The following FCN2 variants were observed in gnomAD, a reference collection of about 807,000 sequenced individuals.
The protein encoded by FCN2 is ficolin-2.
FCN2 carries 31 observed loss-of-function variants against 32.5 expected under a neutral mutation model. That is an observed-to-expected ratio of 0.96 (90% CI 0.72 to 1.29). The LOEUF is 1.29. FCN2 is among the 50% of genes most tolerant of loss of function. The pLI is 0.00. For synonymous variants in FCN2, 181 were observed against 164.5 expected, an observed-to-expected ratio of 1.10 and a Z score of -0.77; for missense variants, 412 against 406.5, an observed-to-expected ratio of 1.01 and a Z score of -0.12.
At chr9:134,876,604 G>T (rs970152214), upstream of FCN2, among the ~76,000 whole-genome samples, 2 of 152,162 alleles carry the variant, frequency 1.3e-5, no homozygotes, top group South Asian at 2.1e-4. Context: ...TTGAGGTGGA[G>T]TTTCCCTCTT....
chr9:134,885,401 G>C (rs1411104704), intron 5 of FCN2, 35 bp downstream of exon 5: 2 of 1,606,188 alleles, frequency 1.2e-6, no homozygotes, highest in East Asian at 4.5e-5. Context: ...GGTCAGCCTG[G>C]GAGTCCCGGA....
At chr9:134,886,112 G>A (rs1330996231) in intron 6 of FCN2, among the ~76,000 whole-genome samples, 1 of 152,178 alleles carries the variant, frequency 6.6e-6, no homozygotes, top group African/African-American at 2.4e-5. Flanking sequence ...TGGGATGAAG[G>A]CCTCTTCAGG....
the FCN2 span, among the ~76,000 whole-genome samples, chr9:134,874,057 G>T: frequency 6.6e-6 from 1 of 151,860 alleles, no homozygotes; most frequent in African/African-American, 2.4e-5. Context: ...AGTAGTTACA[G>T]GTGTGTGCCA....
intron 5 of FCN2, 55 bp downstream of exon 5, chr9:134,885,421 G>A: frequency 6.3e-7 from 1 of 1,598,666 alleles, no homozygotes; most frequent in African/African-American, 1.3e-5. Flanking sequence ...AGGCCAGGCT[G>A]CACACCTGGT....
At chr9:134,865,449 G>A in the FCN2 span, among the ~76,000 whole-genome samples, 1 of 152,230 alleles carries the variant, frequency 6.6e-6, no homozygotes, top group Admixed American at 6.5e-5. Flanking sequence ...GTGGGGCTAG[G>A]AAGAAAACAC....
At chr9:134,866,967 A>G in the FCN2 span, among the ~76,000 whole-genome samples, 3 of 112,654 alleles carry the variant, frequency 2.7e-5, no homozygotes, top group Middle Eastern at 3.9e-3. Flanking sequence ...TTAGAATGGC[A>G]ATCATTAAAA....
rs372859655 is a variant in FCN2, at chr9:134,883,353, A to G, written c.266A>G (p.Asn89Ser). 30 of 1,613,358 alleles carry G rather than the reference A, an allele frequency of 1.9e-5. No individual in the cohort carries two copies. The African/African-American group carries it at 3.5e-4, about 19-fold the overall frequency. Residue 89 changes from asparagine (N) to serine (S), a missense_variant and splice_region_variant, in exon 3 of 8, where the codon AAC becomes AGC. Coordinates refer to ENST00000291744, the MANE Select transcript of FCN2 (RefSeq NM_004108.3). ...GGGAAGGCAGGACCACCTGGGCCCA[A>G]CGGTAAGGAGGGGACAAGAGTGAGA... ...PPGKAGPPGPNGAPGEPQPCL... is the reference protein window; with the variant it reads ...PPGKAGPPGPSGAPGEPQPCL...
chr9:134,884,731 C>T lies in FCN2; in HGVS notation c.269-9C>T. ...TGTGACACGTGTGTCCTCTCTCATC[C>T]ATGAACAGGAGCACCTGGGGAGCCC... On this transcript the variant is annotated splice_polypyrimidine_tract_variant and intron_variant, in intron 3 of 7. Transcript: ENST00000291744. The T allele has an allele frequency of 6.2e-7, 1 of 1,613,792 alleles. No homozygotes were observed. The highest frequency in any genetic ancestry group is 8.5e-7 in the Non-Finnish European group (1 of 1,179,740).
At chr9:134,864,439 G>T in the FCN2 span, among the ~76,000 whole-genome samples, 1 of 152,214 alleles carries the variant, frequency 6.6e-6, no homozygotes, top group Non-Finnish European at 1.5e-5. Flanking sequence ...TCCACCGCCA[G>T]TTGGTGCCAC....
chr9:134,878,969 C>A (rs1330081420), upstream of FCN2, among the ~76,000 whole-genome samples: 1 of 152,156 alleles, frequency 6.6e-6, no homozygotes, highest in Non-Finnish European at 1.5e-5. Flanking sequence ...TGGTCCATTC[C>A]TTAACTTAGC....
At chr9:134,876,245 T>C (rs1417910140), upstream of FCN2, among the ~76,000 whole-genome samples, 2 of 152,220 alleles carry the variant, frequency 1.3e-5, no homozygotes, top group Non-Finnish European at 2.9e-5. Flanking sequence ...CTTGCAATGA[T>C]TTTTATCTAC....
At chr9:134,877,840 A>T (rs549799876), upstream of FCN2, among the ~76,000 whole-genome samples, 12 of 152,266 alleles carry the variant, frequency 7.9e-5, no homozygotes, top group South Asian at 2.5e-3. Context: ...GGGGGATGTG[A>T]TGGTTAATAC....
At chr9:134,886,048 C>T in intron 6 of FCN2, 151 bp downstream of exon 6, 2 of 816,282 alleles carry the variant, frequency 2.5e-6, no homozygotes, top group East Asian at 2.7e-5. Context: ...CCTCCGAGGG[C>T]TTCGTCCCTG....
the FCN2 span, among the ~76,000 whole-genome samples, chr9:134,870,885 A>G: frequency 6.6e-6 from 1 of 152,114 alleles, no homozygotes; most frequent in African/African-American, 2.4e-5. The surrounding 1 kb of genome is among the most constrained non-coding windows in gnomAD (Gnocchi z 4.3). Flanking sequence ...GCGGGTCAGA[A>G]TCCTCACTGC....
At chr9:134,883,270 T>C in intron 2 of FCN2, 32 bp from the exon 3 acceptor site, 3 of 1,593,534 alleles carry the variant, frequency 1.9e-6, no homozygotes, top group Non-Finnish European at 2.6e-6. Flanking sequence ...GCTGGGCAGT[T>C]TTCCTCAAGT....
chr9:134,882,592 C>G lies in FCN2; in HGVS notation c.167C>G (p.Pro56Arg). The G allele has an allele frequency of 1.9e-6, 3 of 1,614,140 alleles. No individual in the cohort carries two copies. The highest frequency in any genetic ancestry group is 1.7e-6 in the Non-Finnish European group (2 of 1,180,018). The change falls in exon 2 of 8, where the codon CCT (proline) becomes CGT (arginine). Residue 56 changes from proline (P) to arginine (R), a missense_variant. Transcript: ENST00000291744. ...LTILRGCPGL[P>R]GAPGPKGEAG... is the part of the protein sequence containing the mutation. ...ATTCTCCGAGGCTGTCCGGGGCTGC[C>G]TGGGGCCCCTGGGCCCAAGGGAGAG...
rs367802802 is a variant in FCN2 at position 134,884,762 on chromosome 9, G to A, written c.291G>A (p.Pro97=). 259 of 1,613,962 alleles carry A rather than the reference G, an allele frequency of 1.6e-4. No individual in the cohort carries two copies. The highest frequency in any genetic ancestry group is 6.7e-4 in the East Asian group (30 of 44,874). The change falls in exon 4 of 8, where the codon CCG becomes CCA. Residue 97 remains proline (P), a synonymous_variant. Transcript: ENST00000291744. ...CAGGAGCACCTGGGGAGCCCCAGCC[G>A]TGCCTGACAGGTGACTGACCACCCC... ...GPNGAPGEPQ[P]CLTGPRTCKD...
intron 5 of FCN2, among the ~76,000 whole-genome samples, 193 bp downstream of exon 5, chr9:134,885,559 G>A (rs558721437): frequency 1.3e-5 from 2 of 152,278 alleles, no homozygotes; most frequent in Admixed American, 6.5e-5. Flanking sequence ...CTCTCCTGCT[G>A]TGTGGCTTGG....
At chr9:134,881,629 C>A (rs530281891) in intron 1 of FCN2, among the ~76,000 whole-genome samples, 59 of 152,210 alleles carry the variant, frequency 3.9e-4, no homozygotes, top group African/African-American at 1.4e-3. Flanking sequence ...TGCAGAGATT[C>A]GTGTCAGGAT....
Sources: allele counts gnomAD v4.1 joint callset (sites outside exome capture counted in the v4.1 genomes callset), GRCh38; gene constraint gnomAD v4.1.1; non-coding constraint Gnocchi (gnomAD v3.1); transcripts MANE v1.5; gene names NCBI Gene and HGNC (gene_info 2026-07-23, HGNC 2026-07-21).